Variants in BRINP2 observed in about 807,000 individuals in gnomAD.
BRINP2 encodes BMP/retinoic acid-inducible neural-specific protein 2.
Under a neutral mutation model 69.2 loss-of-function variants are expected in BRINP2, and 21 were observed. That is an observed-to-expected ratio of 0.30 (90% CI 0.22 to 0.44). BRINP2 has a LOEUF of 0.44. BRINP2 is among the 20% of genes least tolerant of loss of function. BRINP2 has a pLI of 1.00. For missense variants in BRINP2, 877 were observed against 986.0 expected (o/e 0.89, Z 1.48); for synonymous variants, 380 against 394.1 (o/e 0.96, Z 0.42).
At position 177,276,452 on chromosome 1, in the gene BRINP2, C is replaced by T. The variant is rs895394472; in HGVS notation, c.1012+18C>T. ...AGAGTCAGGTGAGCAGCCAGAATTC[C>T]TCCCTGTCAATGAGAGGTGGCTGTG... On this transcript the variant is annotated intron_variant, in intron 6 of 7. Transcript: ENST00000361539. The T allele has an allele frequency of 4.4e-6, 7 of 1,608,692 alleles. No individual in the cohort carries two copies. In the African/African-American group the frequency reaches 6.7e-5, roughly 15 times the overall value.
At chr1:177,259,939 C>T (rs78808173) in intron 4 of BRINP2, among the ~76,000 whole-genome samples, 3,284 of 152,182 alleles carry the variant, frequency 0.022, 114 homozygotes, top group African/African-American at 0.076. Flanking sequence ...ATTCTGTAGC[C>T]CATGAATCAA....
chr1:177,276,272 T>G lies in BRINP2; in HGVS notation c.850T>G (p.Ser284Ala). 1 of 1,614,208 alleles carries G rather than the reference T, an allele frequency of 6.2e-7. No homozygotes were observed. Among genetic ancestry groups the G allele is most frequent in the Non-Finnish European group, 8.5e-7 (1 of 1,180,046 alleles). ...AGCACTCAGCTACATCACATGCAGC[T>G]CTGAGGGTGAGCTCGTCTGCAAGGA... The part of the protein sequence containing the change: ...AAALSYITCS[S>A]EGELVCKEND... The change falls in exon 6 of 8, where the codon TCT (serine) becomes GCT (alanine). Residue 284 changes from serine to alanine, a missense_variant. Physicochemically the swap from Ser to Ala is moderately conservative, Grantham distance 99 (BLOSUM62 1). Around this residue, in one of 3 missense-constraint regions of BRINP2, gnomAD observed 566 missense variants for 625.2 expected, o/e 0.91. Coordinates refer to ENST00000361539, the MANE Select transcript of BRINP2 (RefSeq NM_021165.4).
chr1:177,273,472 C>T lies in BRINP2; in HGVS notation c.670-16C>T, dbSNP rs1457550954. The T allele has an allele frequency of 6.3e-7, 1 of 1,578,956 alleles. No homozygotes were observed. The highest frequency in any genetic ancestry group is 1.1e-5 in the South Asian group (1 of 88,026). Reference sequence around the variant, plus strand: ...ACTTGTTATCTAAACCCACTCCCTACTCCTTCCTTCTCTAGGTCACCGAGA... The same window carrying T: ...ACTTGTTATCTAAACCCACTCCCTATTCCTTCCTTCTCTAGGTCACCGAGA... On this transcript the variant is annotated splice_polypyrimidine_tract_variant and intron_variant, in intron 4 of 7. Coordinates refer to ENST00000361539, the MANE Select transcript of BRINP2 (RefSeq NM_021165.4).
chr1:177,184,362 C>T (rs971405589), intron 1 of BRINP2, among the ~76,000 whole-genome samples: 3 of 152,012 alleles, frequency 2.0e-5, no homozygotes, highest in Non-Finnish European at 1.5e-5. Context: ...GTATGCAGTC[C>T]TCTACTACAT....
In BRINP2 at chr1:177,171,352, C is replaced by T. The variant is rs898174576; in HGVS notation, c.-457C>T. On this transcript the variant is annotated 5_prime_UTR_variant, in exon 1 of 8. Transcript: ENST00000361539. ...TGCACTTCCCTTACCTCTCCCACCC[C>T]GCGTGCGCCCCGGCCCAGTGCCGAA... 26 of 153,304 alleles carry T rather than the reference C, an allele frequency of 1.7e-4. No homozygotes were observed. The highest frequency in any genetic ancestry group is 6.0e-4 in the African/African-American group (25 of 41,560). 9.5% of individuals were successfully genotyped at this position (153,304 alleles called of 1,614,324 possible).
intron 1 of BRINP2, among the ~76,000 whole-genome samples, chr1:177,203,927 C>T (rs1229136048): frequency 2.0e-5 from 3 of 152,112 alleles, no homozygotes; most frequent in South Asian, 2.1e-4. Flanking sequence ...TCAAGGAAGG[C>T]GTCCTTAAAG....
In BRINP2 at chr1:177,216,779, GT is replaced by G. The variant is rs35697447; in HGVS notation, c.-76-13005del. Reference sequence around the variant, plus strand: ...CTGAGTGAAGTATTCTTGGTTGGTAGTTTTTTTTTTTTTTTTTCACTTCACC... The same window carrying G: ...CTGAGTGAAGTATTCTTGGTTGGTAGTTTTTTTTTTTTTTTTCACTTCACC... On this transcript the variant is annotated intron_variant, in intron 1 of 7. Transcript: ENST00000361539. Among the ~76,000 whole-genome samples the G allele has an allele frequency of 4.5e-3, 564 of 126,542 alleles. 2 individuals carry two copies. The highest frequency in any genetic ancestry group is 7.0e-3 in the African/African-American group (240 of 34,056). 83.0% of individuals were successfully genotyped at this position (126,542 alleles called of 152,430 possible).
chr1:177,190,766 T>G (rs1420229835), intron 1 of BRINP2, among the ~76,000 whole-genome samples: 1 of 152,202 alleles, frequency 6.6e-6, no homozygotes, highest in African/African-American at 2.4e-5. Context: ...AGGGTCAGAT[T>G]GCCTGGTTTC....
chr1:177,180,723 G>A (rs1648220295), intron 1 of BRINP2, among the ~76,000 whole-genome samples: 1 of 152,162 alleles, frequency 6.6e-6, no homozygotes, highest in Non-Finnish European at 1.5e-5. Flanking sequence ...GTGTTCCCTA[G>A]GGCAACTCCT....
chr1:177,190,230 A>G (rs897749460), intron 1 of BRINP2, among the ~76,000 whole-genome samples: 3 of 152,156 alleles, frequency 2.0e-5, no homozygotes, highest in African/African-American at 7.2e-5. Context: ...AAAGGCTGCA[A>G]AAACTCTATG....
At chr1:177,279,438 A>G (rs1162257359) in intron 7 of BRINP2, among the ~76,000 whole-genome samples, 4 of 152,250 alleles carry the variant, frequency 2.6e-5, no homozygotes, top group Non-Finnish European at 5.9e-5. Flanking sequence ...ATAGTCTCCT[A>G]GAGGTAAAAC....
chr1:177,176,947 GGGTGA>G (rs1397444605), intron 1 of BRINP2, among the ~76,000 whole-genome samples: 1 of 152,114 alleles, frequency 6.6e-6, no homozygotes, highest in African/African-American at 2.4e-5. Flanking sequence ...TTACTCCAAA[GGGTGA>G]GGACACAATA....
At position 177,243,042 on chromosome 1, in the gene BRINP2, T is replaced by C. The variant is rs565662757; in HGVS notation, c.270-12877T>C. 2.0e-5 allele frequency among the ~76,000 whole-genome samples: 3 copies of C among 152,296 alleles called. No homozygotes were observed. In the South Asian group the frequency reaches 6.2e-4, roughly 32 times the overall value. ...TAATAGTACTTTCGTTATAGGATTA[T>C]TTGGTGATAACTGAAAAAAAAGATT... On this transcript the variant is annotated intron_variant, in intron 2 of 7. Coordinates refer to ENST00000361539, the MANE Select transcript of BRINP2 (RefSeq NM_021165.4).
At chr1:177,202,622 C>G (rs1263398744) in intron 1 of BRINP2, among the ~76,000 whole-genome samples, 5 of 152,216 alleles carry the variant, frequency 3.3e-5, no homozygotes, top group African/African-American at 1.2e-4. Context: ...TTACTTCCAA[C>G]TATGTGGTCA....
intron 4 of BRINP2, among the ~76,000 whole-genome samples, chr1:177,270,721 C>T (rs866828093): frequency 1.1e-4 from 17 of 152,142 alleles, no homozygotes; most frequent in Admixed American, 2.0e-4. Context: ...CCAATGACGA[C>T]GGAGTGGGCA....
chr1:177,260,495 T>C (rs1308946913), intron 4 of BRINP2, among the ~76,000 whole-genome samples: 1 of 152,208 alleles, frequency 6.6e-6, no homozygotes, highest in East Asian at 1.9e-4. Flanking sequence ...GTTGGTAAAA[T>C]GCTATCAAAT....
chr1:177,223,756 A>G (rs1649610838), intron 1 of BRINP2, among the ~76,000 whole-genome samples: 1 of 152,048 alleles, frequency 6.6e-6, no homozygotes, highest in Middle Eastern at 3.2e-3. Flanking sequence ...GGATATCTAT[A>G]CCCTCACTGA....
intron 1 of BRINP2, among the ~76,000 whole-genome samples, chr1:177,218,249 T>C (rs987708481): frequency 1.3e-5 from 2 of 151,840 alleles, no homozygotes; most frequent in African/African-American, 4.8e-5. Context: ...GTTGTGGAAA[T>C]TTGCTGCAGG....
At chr1:177,267,959 G>T (rs1322229753) in intron 4 of BRINP2, among the ~76,000 whole-genome samples, 1 of 152,082 alleles carries the variant, frequency 6.6e-6, no homozygotes, top group Non-Finnish European at 1.5e-5. Context: ...TTTTCTGTCT[G>T]GGAGTACAAT....
Sources: allele counts gnomAD v4.1 joint callset (sites outside exome capture counted in the v4.1 genomes callset), GRCh38; gene constraint gnomAD v4.1.1; regional missense constraint gnomAD v4.1.1; transcripts MANE v1.5; gene names NCBI Gene and HGNC (gene_info 2026-07-23, HGNC 2026-07-21).